The following ELAPOR2 variants were observed in gnomAD, a reference collection of about 807,000 sequenced individuals.
ELAPOR2 encodes endosome-lysosome associated apoptosis and autophagy regulator family member 2.
Under a neutral mutation model 120.7 loss-of-function variants are expected in ELAPOR2, and 89 were observed. The ratio of observed to expected loss-of-function variants is 0.74; its 90% CI spans 0.62 to 0.88. The LOEUF (loss-of-function observed/expected upper bound fraction) is 0.88, where lower values mean the gene tolerates loss of function less well. ELAPOR2 is among the 40% of genes least tolerant of loss of function. ELAPOR2 has a pLI of 0.00. For synonymous variants in ELAPOR2, 444 were observed against 444.9 expected (o/e 1.00, Z 0.03); for missense variants, 1,134 against 1,251.6 (o/e 0.91, Z 1.42).
intron 1 of ELAPOR2, among the ~76,000 whole-genome samples, chr7:87,041,584 C>T (rs1794788168): frequency 1.3e-5 from 2 of 151,850 alleles, no homozygotes; most frequent in Admixed American, 1.3e-4. Flanking sequence ...AACCACCAGG[C>T]CTGCCCTAAA....
At chr7:87,013,904 T>C (rs1293086724) in intron 1 of ELAPOR2, among the ~76,000 whole-genome samples, 1 of 152,160 alleles carries the variant, frequency 6.6e-6, no homozygotes, top group Non-Finnish European at 1.5e-5. Context: ...CAGTGAAATA[T>C]TGGAGTCACC....
intron 19 of ELAPOR2, among the ~76,000 whole-genome samples, chr7:86,895,045 G>A (rs552512094): frequency 7.2e-5 from 11 of 152,102 alleles, no homozygotes; most frequent in East Asian, 1.9e-4. Context: ...AAAAGTGCAC[G>A]CTCAATCAAC....
chr7:87,056,711 A>T (rs1295238465), intron 1 of ELAPOR2, among the ~76,000 whole-genome samples: 3 of 152,136 alleles, frequency 2.0e-5, no homozygotes, highest in Non-Finnish European at 2.9e-5. Context: ...CCCATAACCT[A>T]GTTTTTGAAG....
intron 18 of ELAPOR2, among the ~76,000 whole-genome samples, chr7:86,906,943 T>C (rs1307744478): frequency 6.6e-6 from 1 of 151,902 alleles, no homozygotes; most frequent in Non-Finnish European, 1.5e-5. Flanking sequence ...AAAATGAATA[T>C]CTGAAAAATA....
chr7:87,008,821 T>C (rs1420104665), intron 1 of ELAPOR2, among the ~76,000 whole-genome samples: 4 of 152,184 alleles, frequency 2.6e-5, no homozygotes, highest in African/African-American at 7.2e-5. Flanking sequence ...ATGTAAACAG[T>C]GAACCTGGGT....
At chr7:86,884,325 G>A (rs903077400) in intron 21 of ELAPOR2, among the ~76,000 whole-genome samples, 7 of 152,108 alleles carry the variant, frequency 4.6e-5, no homozygotes, top group African/African-American at 1.7e-4. Flanking sequence ...TTATCCTCTA[G>A]CCCGAAAGAC....
intron 7 of ELAPOR2, 112 bp from the exon 8 acceptor site, chr7:86,938,326 G>A (rs898386114): frequency 4.1e-6 from 3 of 726,426 alleles, no homozygotes; most frequent in Non-Finnish European, 7.0e-6. Context: ...AACTTACCAG[G>A]GCAATTTAGG....
rs1262256498 is a variant in ELAPOR2, at chr7:86,879,039, G to A, written c.*1432C>T. On this transcript the variant is annotated 3_prime_UTR_variant, in exon 22 of 22. Transcript: ENST00000450689. ...AGTCATACTTCATTGGAATGCTTGGGGCAAATCATTTCCCTACATATATGC... is the reference window on the plus strand; with the variant it reads ...AGTCATACTTCATTGGAATGCTTGGAGCAAATCATTTCCCTACATATATGC... 3 of 152,110 alleles carry A rather than the reference G, an allele frequency of 2.0e-5. No homozygotes were observed. The highest frequency in any genetic ancestry group is 2.1e-4 in the South Asian group (1 of 4,808). The allele number at this position is 152,110 out of a possible 1,614,324, so 9.4% of individuals were successfully genotyped here.
intron 1 of ELAPOR2, among the ~76,000 whole-genome samples, chr7:87,015,545 T>A (rs929916170): frequency 6.6e-6 from 1 of 152,180 alleles, no homozygotes; most frequent in African/African-American, 2.4e-5. Context: ...TCCAGCACTT[T>A]GGGAGCCAAG....
At chr7:86,952,132 C>G (rs1346479381) in intron 2 of ELAPOR2, among the ~76,000 whole-genome samples, 1 of 152,174 alleles carries the variant, frequency 6.6e-6, no homozygotes, top group Non-Finnish European at 1.5e-5. Context: ...GATATCTCAC[C>G]ACTCTGCATA....
At position 86,964,976 on chromosome 7, in the gene ELAPOR2, A is replaced by C. The variant is rs1583917373; in HGVS notation, c.238T>G (p.Trp80Gly). The C allele has an allele frequency of 6.4e-7, 1 of 1,551,540 alleles. No individual in the cohort carries two copies. Among genetic ancestry groups the C allele is most frequent in the Non-Finnish European group, 8.7e-7 (1 of 1,146,854 alleles). Residue 80 changes from tryptophan to glycine, a missense_variant, in exon 2 of 22, where the codon TGG (tryptophan) becomes GGG (glycine). By Grantham distance (184) the Trp-to-Gly change is radical. This residue lies in a region of ELAPOR2 where 280 missense variants were observed against 331.5 expected (regional missense o/e 0.84). Coordinates refer to ENST00000450689, the MANE Select transcript of ELAPOR2 (RefSeq NM_001142749.3). ...GCAGAATTTGGAATGGCAACTCTCC[A>C]CCTGGAGCCACTGCTATCACATTCC... ...YTECDSSGSRWRVAIPNSAVD... is the reference protein window; with the variant it reads ...YTECDSSGSRGRVAIPNSAVD...
chr7:87,021,271 C>T (rs749210445), intron 1 of ELAPOR2, among the ~76,000 whole-genome samples: 42 of 152,222 alleles, frequency 2.8e-4, no homozygotes, highest in Admixed American at 3.3e-4. Flanking sequence ...TAAAGGATGA[C>T]AAGACATACA....
intron 1 of ELAPOR2, among the ~76,000 whole-genome samples, chr7:87,040,098 C>T (rs544957224): frequency 1.3e-4 from 20 of 152,366 alleles, no homozygotes; most frequent in African/African-American, 3.1e-4. Flanking sequence ...GATTATATCC[C>T]GCACCTGGCT....
intron 1 of ELAPOR2, among the ~76,000 whole-genome samples, chr7:86,971,040 T>C (rs1371618158): frequency 1.3e-5 from 2 of 152,182 alleles, no homozygotes; most frequent in Admixed American, 6.5e-5. Context: ...TTAATGAAAG[T>C]ACATAAGGTT....
intron 1 of ELAPOR2, among the ~76,000 whole-genome samples, chr7:87,012,579 T>C (rs1232405090): frequency 6.6e-6 from 1 of 152,196 alleles, no homozygotes; most frequent in Non-Finnish European, 1.5e-5. Context: ...ACAACAGATG[T>C]CTGTACACAA....
At chr7:86,910,519 A>T (rs1789250956) in intron 15 of ELAPOR2, among the ~76,000 whole-genome samples, 1 of 152,156 alleles carries the variant, frequency 6.6e-6, no homozygotes, top group Admixed American at 6.6e-5. Context: ...ATTCTAAATA[A>T]TTGGTCACTA....
intron 15 of ELAPOR2, 93 bp downstream of exon 15, chr7:86,911,979 C>A (rs1264572158): frequency 1.6e-6 from 2 of 1,235,696 alleles, no homozygotes; most frequent in African/African-American, 1.5e-5. Context: ...TGGTTGATAT[C>A]CATAGAGAAT....
intron 11 of ELAPOR2, 72 bp from the exon 12 acceptor site, chr7:86,918,616 A>G (rs963234226): frequency 6.2e-5 from 60 of 974,390 alleles, no homozygotes; most frequent in Non-Finnish European, 7.6e-5. Flanking sequence ...TTAAGCCACT[A>G]TTTTTATTAA....
At chr7:87,056,036 T>C (rs544774751) in intron 1 of ELAPOR2, among the ~76,000 whole-genome samples, 39 of 152,342 alleles carry the variant, frequency 2.6e-4, no homozygotes, top group African/African-American at 9.4e-4. Flanking sequence ...TCTGATACCT[T>C]ACTGCAACTC....
Sources: gnomAD v4.1 joint callset for allele counts (sites outside exome capture counted in the v4.1 genomes callset) on GRCh38, gnomAD v4.1.1 for gene constraint, gnomAD v4.1.1 regional missense constraint, MANE v1.5 for transcripts, NCBI Gene and HGNC (gene_info 2026-07-23, HGNC 2026-07-21) for gene names.